LETM1: variants seen among roughly 807,000 people sequenced by gnomAD.
LETM1 encodes mitochondrial proton/calcium exchanger protein.
A neutral mutation model predicts 74.5 loss-of-function variants in LETM1; 50 were observed. The observed-to-expected ratio is 0.67, with a 90% CI of 0.53 to 0.85. The LOEUF (loss-of-function observed/expected upper bound fraction) is 0.85, where lower values mean the gene tolerates loss of function less well. Ranked by LOEUF, LETM1 falls within the 40% of genes least tolerant of loss-of-function variation. The probability of loss-of-function intolerance (pLI) is 0.00; values close to 1 mark genes in which losing one functional copy is unlikely to be tolerated. For synonymous variants in LETM1, 446 were observed against 407.1 expected (o/e 1.10, Z -1.15); for missense variants, 824 against 967.8 (o/e 0.85, Z 1.97).
rs574855160 is a variant in LETM1, at chr4:1,818,607, C to T, written c.1743+731G>A. On this transcript the variant is annotated intron_variant, in intron 11 of 13. Coordinates refer to ENST00000302787, the MANE Select transcript of LETM1 (RefSeq NM_012318.3). ...CAGCCTGGGCGACAGAGCTAGACTT[C>T]GTCTCAAAAAAAGAAAAAAAGAAAG... Among the ~76,000 whole-genome samples, 204 of 148,018 alleles carry T rather than the reference C, an allele frequency of 1.4e-3. 1 individual carries two copies. The highest frequency in any genetic ancestry group is 4.8e-3 in the African/African-American group (193 of 40,098).
chr4:1,817,387 T>A (rs1325524313), intron 11 of LETM1, among the ~76,000 whole-genome samples: 1 of 151,664 alleles, frequency 6.6e-6, no homozygotes, highest in Non-Finnish European at 1.5e-5. Flanking sequence ...CAAGACTTTA[T>A]CTCTACCAAA....
At chr4:1,818,478 T>C (rs1711653963) in intron 11 of LETM1, among the ~76,000 whole-genome samples, 1 of 151,684 alleles carries the variant, frequency 6.6e-6, no homozygotes, top group Non-Finnish European at 1.5e-5. Flanking sequence ...CCAGGCATGG[T>C]GGCACATGCC....
In LETM1 at chr4:1,832,812, T is replaced by C. The variant is rs562722256; in HGVS notation, c.1012A>G (p.Ile338Val). ...ALCKLLELQS[I>V]GTNNFLRFQL... is the part of the protein sequence containing the mutation. Reference sequence around the variant, plus strand: ...AAGCGCAGGAAGTTGTTGGTGCCGATGGACTGTAGCTCCAGCAGCTTGCAC... The same window carrying C: ...AAGCGCAGGAAGTTGTTGGTGCCGACGGACTGTAGCTCCAGCAGCTTGCAC... The change falls in exon 6 of 14, where the codon ATC (isoleucine) becomes GTC (valine). Residue 338 changes from isoleucine (I) to valine (V), a missense_variant. Physicochemically the swap from Ile to Val is conservative, Grantham distance 29. Around this residue, in one of 4 missense-constraint regions of LETM1, gnomAD observed 269 missense variants for 348.8 expected, o/e 0.77. Coordinates refer to ENST00000302787, the MANE Select transcript of LETM1 (RefSeq NM_012318.3). The C allele has an allele frequency of 5.6e-6, 9 of 1,614,208 alleles. No individual in the cohort carries two copies. Among genetic ancestry groups the C allele is most frequent in the Admixed American group, 1.7e-5 (1 of 60,028 alleles).
rs1049194024 is a variant in LETM1 at position 1,836,107 on chromosome 4, G to C, written c.738+322C>G. ...CACATGCCTATAATCCCAGCTACTT[G>C]GGAGGCTGAGGCAGGAGATTCGCTT... On this transcript the variant is annotated intron_variant, in intron 4 of 13. Transcript: ENST00000302787. The surrounding 1 kb of genome is among the most constrained non-coding windows in gnomAD (Gnocchi z 5.8). Among the ~76,000 whole-genome samples, 5 of 151,072 alleles carry C rather than the reference G, an allele frequency of 3.3e-5. No homozygotes were observed. Among genetic ancestry groups the C allele is most frequent in the African/African-American group, 1.2e-4 (5 of 41,066 alleles).
intron 2 of LETM1, among the ~76,000 whole-genome samples, chr4:1,848,530 A>G (rs1712959125): frequency 6.7e-6 from 1 of 149,446 alleles, no homozygotes; most frequent in African/African-American, 2.5e-5. Context: ...CCTGGGTGAC[A>G]GAGCGAGACT....
At chr4:1,838,463 G>A (rs968680511) in intron 3 of LETM1, among the ~76,000 whole-genome samples, 17 of 152,108 alleles carry the variant, frequency 1.1e-4, no homozygotes, top group African/African-American at 4.1e-4. Flanking sequence ...GACTGCTTGA[G>A]GTCAGGAGTT....
rs1339988657 is a variant in LETM1 at position 1,827,876 on chromosome 4, C to T, written c.1081-2193G>A. ...CCCAGTAGGGGCGGCCGGGCAGAGG[C>T]GCCCCCCCCACCTCCCGGACGGGGC... On this transcript the variant is annotated intron_variant, in intron 6 of 13. Transcript: ENST00000302787. Among the ~76,000 whole-genome samples, 7 of 143,552 alleles carry T rather than the reference C, an allele frequency of 4.9e-5. No individual in the cohort carries two copies. In the South Asian group the frequency reaches 1.1e-3, roughly 22 times the overall value. The allele number at this position is 143,552 out of a possible 152,430, so 94.2% of individuals were successfully genotyped here.
intron 12 of LETM1, 30 bp downstream of exon 12, chr4:1,816,697 T>A (rs773910417): frequency 3.1e-5 from 49 of 1,602,676 alleles, no homozygotes; most frequent in Non-Finnish European, 2.8e-5. Context: ...GAGTCTCCGA[T>A]CCCTCTCCCG....
chr4:1,849,325 C>A, intron 1 of LETM1, 116 bp from the exon 2 acceptor site: 1 of 713,980 alleles, frequency 1.4e-6, no homozygotes, highest in South Asian at 1.6e-5. Context: ...AGTGCAATGG[C>A]GTGATCTCGG....
intron 9 of LETM1, 143 bp from the exon 10 acceptor site, chr4:1,822,455 G>T: frequency 1.0e-6 from 1 of 987,360 alleles, no homozygotes; most frequent in Non-Finnish European, 1.3e-6. Context: ...GCCACAGAAG[G>T]TCCCTAGGGA....
chr4:1,835,900 G>A (rs1712448887), intron 4 of LETM1, among the ~76,000 whole-genome samples: 1 of 152,114 alleles, frequency 6.6e-6, no homozygotes, highest in South Asian at 2.1e-4. Flanking sequence ...CAACATAGCA[G>A]ATCTTGTCTA....
At chr4:1,854,059 C>T (rs116321462) in intron 1 of LETM1, among the ~76,000 whole-genome samples, 332 of 152,288 alleles carry the variant, frequency 2.2e-3, no homozygotes, top group African/African-American at 7.5e-3. Flanking sequence ...CCAGAGAGAG[C>T]TCTAACATCT....
At chr4:1,828,077 CGGCTGGCCGGGCAGGGGGGCTGACA>C in intron 6 of LETM1, among the ~76,000 whole-genome samples, 1 of 130,538 alleles carries the variant, frequency 7.7e-6, no homozygotes, top group Non-Finnish European at 1.6e-5. Context: ...CCGGACGGGG[CGGCTGGCCGGGCAGGGGGGCTGACA>C]CCCCCACCTC....
At chr4:1,849,257 A>G in intron 1 of LETM1, 48 bp from the exon 2 acceptor site, 1 of 1,325,402 alleles carries the variant, frequency 7.5e-7, no homozygotes, top group Admixed American at 1.7e-5. Flanking sequence ...TCAGGGATTT[A>G]TACTGATACC....
chr4:1,827,856 T>C (rs1322120646), intron 6 of LETM1, among the ~76,000 whole-genome samples: 2 of 147,052 alleles, frequency 1.4e-5, no homozygotes, highest in Non-Finnish European at 3.0e-5. Context: ...CACTTCCCAG[T>C]AGGGGCGGCC....
chr4:1,822,074 G>A, intron 10 of LETM1, 107 bp downstream of exon 10: 3 of 1,139,202 alleles, frequency 2.6e-6, no homozygotes, highest in Non-Finnish European at 2.3e-6. Context: ...TCTCACTGAG[G>A]GCTATAGATG....
intron 2 of LETM1, among the ~76,000 whole-genome samples, chr4:1,848,364 C>A (rs1387146949): frequency 2.0e-5 from 3 of 152,010 alleles, no homozygotes; most frequent in African/African-American, 2.4e-5. Flanking sequence ...CTGGCTAACA[C>A]GGTGAAACCC....
At position 1,823,782 on chromosome 4, in the gene LETM1, C is replaced by T; in HGVS notation, c.1201-7G>A. ...GCAGGTGCAGGTCCAGCCACTGCAA[C>T]CAAGGCCAGGTTCAGCAGATGGGCA... On this transcript the variant is annotated splice_polypyrimidine_tract_variant and splice_region_variant and intron_variant, in intron 7 of 13. Transcript: ENST00000302787. 6.2e-7 allele frequency: 1 copy of T among 1,604,556 alleles called. No homozygotes were observed. The highest frequency in any genetic ancestry group is 8.5e-7 in the Non-Finnish European group (1 of 1,174,546).
At chr4:1,853,052 C>T (rs1335191066) in intron 1 of LETM1, among the ~76,000 whole-genome samples, 1 of 152,192 alleles carries the variant, frequency 6.6e-6, no homozygotes, top group African/African-American at 2.4e-5. Context: ...ATACACACGC[C>T]CCACAGGTCT....
Sources: allele counts gnomAD v4.1 joint callset (sites outside exome capture counted in the v4.1 genomes callset), GRCh38; gene constraint gnomAD v4.1.1; regional missense constraint gnomAD v4.1.1; non-coding constraint Gnocchi (gnomAD v3.1); transcripts MANE v1.5; gene names NCBI Gene and HGNC (gene_info 2026-07-23, HGNC 2026-07-21).